The following CNTN4 variants were observed in gnomAD, a reference collection of about 807,000 sequenced individuals.
CNTN4 encodes contactin-4.
Under a neutral mutation model 122.5 loss-of-function variants are expected in CNTN4, and 77 were observed. The ratio of observed to expected loss-of-function variants is 0.63; its 90% CI spans 0.52 to 0.76. The LOEUF is 0.76. Ranked by LOEUF, CNTN4 falls within the 30% of genes least tolerant of loss-of-function variation. The pLI is 0.00. For synonymous variants in CNTN4, 512 were observed against 447.0 expected (o/e 1.15, Z -1.83); for missense variants, 1,256 against 1,259.1 (o/e 1.00, Z 0.04).
chr3:2,613,757 T>G lies in CNTN4; in HGVS notation c.55+42199T>G, dbSNP rs542442718. On this transcript the variant is annotated intron_variant, in intron 4 of 24. Transcript: ENST00000418658. ...ATCGGATGTGTCATAAGCATTTGTT[T>G]TTAAGGTTGAATAGAGAACCTGATT... Among the ~76,000 whole-genome samples, 7 of 152,234 alleles carry G rather than the reference T, an allele frequency of 4.6e-5. No individual in the cohort carries two copies. The East Asian group carries it at 1.4e-3, about 29-fold the overall frequency.
chr3:2,268,743 G>T (rs1391015315), intron 2 of CNTN4, among the ~76,000 whole-genome samples: 1 of 152,022 alleles, frequency 6.6e-6, no homozygotes, highest in East Asian at 1.9e-4. Context: ...TTTATAACAT[G>T]GTATGCAACT....
At chr3:2,799,754 A>G (rs2092300798) in intron 6 of CNTN4, among the ~76,000 whole-genome samples, 2 of 152,190 alleles carry the variant, frequency 1.3e-5, no homozygotes, top group Admixed American at 1.3e-4. Context: ...TTTAATTTTT[A>G]TGGGTACATA....
intron 3 of CNTN4, among the ~76,000 whole-genome samples, chr3:2,410,081 A>G (rs1430184161): frequency 6.6e-6 from 1 of 152,236 alleles, no homozygotes; most frequent in Non-Finnish European, 1.5e-5. Flanking sequence ...TTAACTTAGC[A>G]CATGCTGGTT....
chr3:2,107,570 T>A (rs2032556027), intron 2 of CNTN4, among the ~76,000 whole-genome samples: 1 of 151,986 alleles, frequency 6.6e-6, no homozygotes, highest in South Asian at 2.1e-4. Context: ...CCTTAACACT[T>A]GGGAATTATG....
chr3:2,320,334 T>A (rs541675777), intron 2 of CNTN4, among the ~76,000 whole-genome samples: 1 of 152,150 alleles, frequency 6.6e-6, no homozygotes. Context: ...GTAATCAAGA[T>A]GAATTATAAC....
intron 3 of CNTN4, among the ~76,000 whole-genome samples, chr3:2,537,186 C>A (rs141038642): frequency 6.6e-6 from 1 of 152,048 alleles, no homozygotes; most frequent in Non-Finnish European, 1.5e-5. Context: ...TTTTCATACA[C>A]TATATTTGTA....
At chr3:2,722,212 C>T (rs1031720662) in intron 4 of CNTN4, among the ~76,000 whole-genome samples, 2 of 152,166 alleles carry the variant, frequency 1.3e-5, no homozygotes, top group Non-Finnish European at 2.9e-5. Context: ...ATACGAATGA[C>T]CTTTCAACAA....
At chr3:2,420,594 C>T (rs1170213522) in intron 3 of CNTN4, among the ~76,000 whole-genome samples, 1 of 151,998 alleles carries the variant, frequency 6.6e-6, no homozygotes, top group Non-Finnish European at 1.5e-5. Context: ...CACTACCATG[C>T]CCACCTATTT....
chr3:2,431,299 G>C (rs546905143), intron 3 of CNTN4, among the ~76,000 whole-genome samples: 1 of 152,252 alleles, frequency 6.6e-6, no homozygotes, highest in South Asian at 2.1e-4. Context: ...GCAGCATATA[G>C]AACAATATGC....
chr3:2,861,722 G>T (rs973859979), intron 7 of CNTN4, among the ~76,000 whole-genome samples: 1 of 152,092 alleles, frequency 6.6e-6, no homozygotes, highest in African/African-American at 2.4e-5. Context: ...GTGTGTGCAC[G>T]TGTGTGTTCC....
In CNTN4 at chr3:2,278,057, A is replaced by G. The variant is rs533815408; in HGVS notation, c.-144-61121A>G. 5.9e-5 allele frequency among the ~76,000 whole-genome samples: 9 copies of G among 152,244 alleles called. No homozygotes were observed. The South Asian group carries it at 1.9e-3, about 32-fold the overall frequency. On this transcript the variant is annotated intron_variant, in intron 2 of 24. Coordinates refer to ENST00000418658, the MANE Select transcript of CNTN4 (RefSeq NM_175607.3). The stretch of plus-strand genomic sequence containing the variant: ...ACTGTCTAGGTGAACATGGCAACAG[A>G]TATGATTTTCTAATGGGGCACTTCT...
In CNTN4 at chr3:2,729,609, A is replaced by G. The variant is rs542881209; in HGVS notation, c.56-6606A>G. 2.7e-5 allele frequency among the ~76,000 whole-genome samples: 4 copies of G among 150,548 alleles called. No homozygotes were observed. In the South Asian group the frequency reaches 8.5e-4, roughly 32 times the overall value. On this transcript the variant is annotated intron_variant, in intron 4 of 24. Coordinates refer to ENST00000418658, the MANE Select transcript of CNTN4 (RefSeq NM_175607.3). ...AGTTGTCTGTGCTCAATTCATAACT[A>G]GTTTTAAAACTTTAGAATGCATAGG...
intron 6 of CNTN4, among the ~76,000 whole-genome samples, chr3:2,796,935 G>A (rs1157642328): frequency 6.6e-6 from 1 of 152,112 alleles, no homozygotes; most frequent in East Asian, 1.9e-4. Flanking sequence ...GATTCCTACA[G>A]TAGCCCTTGT....
chr3:2,421,155 C>T (rs2047599645), intron 3 of CNTN4, among the ~76,000 whole-genome samples: 1 of 152,076 alleles, frequency 6.6e-6, no homozygotes, highest in African/African-American at 2.4e-5. Flanking sequence ...CCCCCATCAC[C>T]TTAATGACCA....
At chr3:2,492,564 C>T (rs1444289146) in intron 3 of CNTN4, among the ~76,000 whole-genome samples, 1 of 152,146 alleles carries the variant, frequency 6.6e-6, no homozygotes, top group Non-Finnish European at 1.5e-5. Flanking sequence ...CTTCCTTTTC[C>T]ATATTTACAG....
intron 3 of CNTN4, among the ~76,000 whole-genome samples, chr3:2,460,180 TG>T (rs1467727955): frequency 6.6e-6 from 1 of 152,122 alleles, no homozygotes; most frequent in Non-Finnish European, 1.5e-5. Context: ...TCTTATCCTA[TG>T]TATAGTTTAT....
At chr3:2,181,478 C>T (rs1053090373) in intron 2 of CNTN4, among the ~76,000 whole-genome samples, 11 of 151,998 alleles carry the variant, frequency 7.2e-5, no homozygotes, top group African/African-American at 1.9e-4. Flanking sequence ...TTTTTGAGGA[C>T]AAAAGTGGAA....
In CNTN4 at chr3:2,269,930, ATTTATTTATT is replaced by A. The variant is rs1368157303; in HGVS notation, c.-144-69246_-144-69237del. ...TGTTTGTTTGTTTATTTATTTATTT[ATTTATTTATT>A]TATTTATTTATTTATTTTTTGAGAC... On this transcript the variant is annotated intron_variant, in intron 2 of 24. Coordinates refer to ENST00000418658, the MANE Select transcript of CNTN4 (RefSeq NM_175607.3). Among the ~76,000 whole-genome samples, 13 of 34,428 alleles carry A rather than the reference ATTTATTTATT, an allele frequency of 3.8e-4. 3 individuals carry two copies. Among genetic ancestry groups the A allele is most frequent in the African/African-American group, 8.1e-4 (13 of 15,992 alleles). The allele number at this position is 34,428 out of a possible 152,430, so 22.6% of individuals were successfully genotyped here. A position where few individuals can be genotyped will look rare whatever the true frequency, so the allele number is the denominator to read the frequency against.
At chr3:2,398,019 C>T (rs2046703404) in intron 3 of CNTN4, among the ~76,000 whole-genome samples, 1 of 152,054 alleles carries the variant, frequency 6.6e-6, no homozygotes, top group African/African-American at 2.4e-5. Context: ...TGACTATGCT[C>T]TACTGTTTCT....
Sources: allele counts gnomAD v4.1 joint callset (sites outside exome capture counted in the v4.1 genomes callset), GRCh38; gene constraint gnomAD v4.1.1; transcripts MANE v1.5; gene names NCBI Gene and HGNC (gene_info 2026-07-23, HGNC 2026-07-21).